The following FBXL13 variants were observed in gnomAD, a reference collection of about 807,000 sequenced individuals.
FBXL13 encodes F-box and leucine-rich repeat protein 13.
A neutral mutation model predicts 83.6 loss-of-function variants in FBXL13; 67 were observed. That is an observed-to-expected ratio of 0.80 (90% CI 0.66 to 0.98). The LOEUF (loss-of-function observed/expected upper bound fraction) is 0.98. Ranked by LOEUF, FBXL13 falls within the 50% of genes least tolerant of loss-of-function variation. The probability of loss-of-function intolerance (pLI) is 0.00; values close to 1 mark genes in which losing one functional copy is unlikely to be tolerated. For synonymous variants in FBXL13, 272 were observed against 299.5 expected (o/e 0.91, Z 0.95); for missense variants, 822 against 866.5 (o/e 0.95, Z 0.64).
At chr7:103,010,322 G>A (rs1209674482) in intron 6 of FBXL13, among the ~76,000 whole-genome samples, 2 of 152,100 alleles carry the variant, frequency 1.3e-5, no homozygotes, top group Non-Finnish European at 1.5e-5. Flanking sequence ...CAGATGGCAG[G>A]GTGAGCGTCC....
intron 2 of FBXL13, among the ~76,000 whole-genome samples, chr7:103,032,405 G>A (rs1447137164): frequency 6.6e-6 from 1 of 152,048 alleles, no homozygotes; most frequent in Non-Finnish European, 1.5e-5. Context: ...TAAAAAATGA[G>A]TACCTTTTCT....
At chr7:102,918,778 C>CA (rs939751252) in intron 10 of FBXL13, among the ~76,000 whole-genome samples, 2 of 151,954 alleles carry the variant, frequency 1.3e-5, no homozygotes, top group African/African-American at 4.8e-5. Context: ...CAAAACAAAA[C>CA]AAAAAAATGG....
intron 16 of FBXL13, among the ~76,000 whole-genome samples, chr7:102,862,204 G>A (rs371830587): frequency 2.6e-5 from 4 of 151,150 alleles, no homozygotes; most frequent in East Asian, 1.9e-4. Context: ...TTAGCCAGGC[G>A]TGTAGTCCCC....
At chr7:102,835,603 G>GTTTTTTT (rs776220490) in intron 17 of FBXL13, among the ~76,000 whole-genome samples, 40 of 97,506 alleles carry the variant, frequency 4.1e-4, no homozygotes, top group Non-Finnish European at 5.2e-4. Context: ...AGGTGACATT[G>GTTTTTTT]TTTTTTTTTT....
intron 2 of FBXL13, among the ~76,000 whole-genome samples, chr7:103,044,936 G>A (rs1316856162): frequency 2.0e-5 from 3 of 152,148 alleles, no homozygotes; most frequent in Non-Finnish European, 2.9e-5. Flanking sequence ...TCTTTAAGTA[G>A]AGACATATTT....
intron 2 of FBXL13, among the ~76,000 whole-genome samples, chr7:103,039,617 C>T (rs1355695480): frequency 6.6e-6 from 1 of 152,068 alleles, no homozygotes; most frequent in Non-Finnish European, 1.5e-5. Context: ...ATCAGACTAA[C>T]AGGGGATCTC....
intron 10 of FBXL13, 104 bp downstream of exon 11, chr7:102,926,170 G>A (rs1818091181): frequency 3.6e-6 from 3 of 842,318 alleles, no homozygotes; most frequent in Non-Finnish European, 5.6e-6. Context: ...CCACAGTGGT[G>A]GGGTGTTGAT....
At chr7:102,906,985 T>C (rs753017572) in intron 11 of FBXL13, among the ~76,000 whole-genome samples, 12 of 152,020 alleles carry the variant, frequency 7.9e-5, no homozygotes, top group Admixed American at 2.6e-4. Context: ...TTTTTTTTGG[T>C]TTTTTGAGAC....
At chr7:102,890,883 T>G (rs1163980215) in intron 11 of FBXL13, among the ~76,000 whole-genome samples, 1 of 152,188 alleles carries the variant, frequency 6.6e-6, no homozygotes, top group Non-Finnish European at 1.5e-5. Flanking sequence ...CCTCCAGCTG[T>G]TTCTCACATT....
chr7:102,824,573 C>G (rs1006254018), intron 18 of FBXL13, among the ~76,000 whole-genome samples: 2 of 152,002 alleles, frequency 1.3e-5, no homozygotes, highest in Non-Finnish European at 2.9e-5. Flanking sequence ...GCAACCTCTG[C>G]CTCCCAGGTT....
In FBXL13 at chr7:102,853,674, GA is replaced by G. The variant is rs879768097; in HGVS notation, c.1719+1102del. The stretch of plus-strand genomic sequence containing the variant: ...ACAATGAACTCAAACAAATTTACAA[GA>G]AAAAAACAAACAACCCCATCAAAAA... On this transcript the variant is annotated intron_variant, in intron 17 of 19. Transcript: ENST00000313221. 2.0e-4 allele frequency among the ~76,000 whole-genome samples: 30 copies of G among 151,922 alleles called. 1 individual carries two copies. The Middle Eastern group carries it at 0.02, about 103-fold the overall frequency.
In FBXL13 at chr7:102,951,412, T is replaced by A. The variant is rs1005520376; in HGVS notation, c.724+12121A>T. On this transcript the variant is annotated intron_variant, in intron 8 of 19. Coordinates refer to ENST00000313221, the Ensembl canonical transcript of FBXL13. Reference sequence around the variant, plus strand: ...ATAAATAAATAAATAAAAGTTAATTTAAAAAAAAACGAAAAGAAAGCTCTT... The same window carrying A: ...ATAAATAAATAAATAAAAGTTAATTAAAAAAAAAACGAAAAGAAAGCTCTT... 2.4e-4 allele frequency among the ~76,000 whole-genome samples: 36 copies of A among 149,270 alleles called. No homozygotes were observed. In the East Asian group the frequency reaches 3.9e-3, roughly 16 times the overall value.
chr7:102,906,663 C>A (rs1371015735), intron 11 of FBXL13, among the ~76,000 whole-genome samples: 1 of 152,166 alleles, frequency 6.6e-6, no homozygotes, highest in Non-Finnish European at 1.5e-5. Context: ...TTAAAAATGG[C>A]ATGTCATTCT....
At chr7:102,872,165 C>T (rs1421463983) in intron 16 of FBXL13, among the ~76,000 whole-genome samples, 1 of 152,196 alleles carries the variant, frequency 6.6e-6, no homozygotes, top group African/African-American at 2.4e-5. Context: ...GTTGGGCAGG[C>T]TGAATTAAGA....
chr7:103,037,772 A>C (rs1795217385), intron 2 of FBXL13, among the ~76,000 whole-genome samples: 1 of 152,020 alleles, frequency 6.6e-6, no homozygotes, highest in Non-Finnish European at 1.5e-5. Flanking sequence ...ATGCCACTGC[A>C]CTCCAGCAAG....
chr7:102,873,755 C>T (rs1289319995), intron 16 of FBXL13, among the ~76,000 whole-genome samples: 3 of 152,206 alleles, frequency 2.0e-5, no homozygotes, highest in South Asian at 2.1e-4. Flanking sequence ...CCATACTTCT[C>T]GCCAATAAGC....
intron 17 of FBXL13, among the ~76,000 whole-genome samples, chr7:102,834,947 A>G (rs1297306436): frequency 6.6e-6 from 1 of 151,938 alleles, no homozygotes; most frequent in Non-Finnish European, 1.5e-5. Context: ...CTTCATAAAT[A>G]TATACAATTT....
chr7:102,873,774 A>G (rs1808855632), intron 16 of FBXL13, among the ~76,000 whole-genome samples: 1 of 152,166 alleles, frequency 6.6e-6, no homozygotes, highest in African/African-American at 2.4e-5. Flanking sequence ...GCCATACCCA[A>G]ATGTGTAGGT....
At chr7:102,837,189 C>T (rs1000628661) in intron 17 of FBXL13, among the ~76,000 whole-genome samples, 1 of 152,208 alleles carries the variant, frequency 6.6e-6, no homozygotes, top group Non-Finnish European at 1.5e-5. Context: ...GGCATCAGAG[C>T]AAGTGGGACT....
Sources: allele counts gnomAD v4.1 joint callset (sites outside exome capture counted in the v4.1 genomes callset), GRCh38; gene constraint gnomAD v4.1.1; transcripts MANE v1.5; gene names NCBI Gene and HGNC (gene_info 2026-07-23, HGNC 2026-07-21).